CTIF: variants seen among roughly 807,000 people sequenced by gnomAD.
CTIF encodes the protein CBP80/20-dependent translation initiation factor.
CTIF carries 21 observed loss-of-function variants against 66.0 expected under a neutral mutation model. The observed-to-expected ratio is 0.32, with a 90% CI of 0.23 to 0.46. CTIF has a LOEUF of 0.46. Among genes scored for constraint, CTIF ranks in the 20% least tolerant of loss-of-function variants. CTIF has a pLI of 1.00. For synonymous variants in CTIF, 345 were observed against 326.4 expected, an observed-to-expected ratio of 1.06 and a Z score of -0.62; for missense variants, 739 against 812.7, an observed-to-expected ratio of 0.91 and a Z score of 1.10.
chr18:48,555,608 C>T (rs2088999143), intron 1 of CTIF, among the ~76,000 whole-genome samples: 1 of 152,258 alleles, frequency 6.6e-6, no homozygotes, highest in Non-Finnish European at 1.5e-5. Flanking sequence ...TGTCTTAGCA[C>T]TGCCACCTCC....
At chr18:48,607,260 T>A (rs1417051257) in intron 1 of CTIF, among the ~76,000 whole-genome samples, 2 of 152,130 alleles carry the variant, frequency 1.3e-5, no homozygotes, top group Non-Finnish European at 2.9e-5. Flanking sequence ...CTGTGGTTCG[T>A]AGAGAATTCA....
At chr18:48,716,757 T>G (rs1327161969) in intron 7 of CTIF, among the ~76,000 whole-genome samples, 1 of 152,056 alleles carries the variant, frequency 6.6e-6, no homozygotes, top group Non-Finnish European at 1.5e-5. Context: ...TCAGAAGAGG[T>G]GGCTAATGTA....
At chr18:48,682,157 T>C (rs2091757326) in intron 6 of CTIF, among the ~76,000 whole-genome samples, 1 of 152,156 alleles carries the variant, frequency 6.6e-6, no homozygotes, top group Non-Finnish European at 1.5e-5. Flanking sequence ...AAGGGACTTT[T>C]CCAATGCGTT....
chr18:48,745,611 A>C lies in CTIF; in HGVS notation c.585-12308A>C, dbSNP rs113929258. ...AAGGGAAAGCCTTTCATTGACTTTT[A>C]ACTCACTGCTCTAAGCCTCAGGACC... On this transcript the variant is annotated intron_variant, in intron 7 of 11. Coordinates refer to ENST00000256413, the MANE Select transcript of CTIF (RefSeq NM_014772.3). Among the ~76,000 whole-genome samples, 162 of 152,334 alleles carry C rather than the reference A, an allele frequency of 1.1e-3. 1 individual carries two copies. The highest frequency in any genetic ancestry group is 3.7e-3 in the African/African-American group (155 of 41,578).
At chr18:48,582,574 C>T (rs565090601) in intron 1 of CTIF, among the ~76,000 whole-genome samples, 5 of 152,034 alleles carry the variant, frequency 3.3e-5, no homozygotes, top group African/African-American at 1.2e-4. Context: ...CACTGACCTT[C>T]CCCCTATGTG....
intron 3 of CTIF, among the ~76,000 whole-genome samples, chr18:48,645,830 C>T (rs1368278275): frequency 1.3e-5 from 2 of 152,200 alleles, no homozygotes; most frequent in African/African-American, 2.4e-5. Flanking sequence ...ACCCCTGCGG[C>T]GTCGGAGGAG....
At chr18:48,696,407 C>T (rs2092009218) in intron 6 of CTIF, among the ~76,000 whole-genome samples, 1 of 152,164 alleles carries the variant, frequency 6.6e-6, no homozygotes. Context: ...CTCCTTGGAC[C>T]CTGCTGCCCA....
intron 6 of CTIF, 23 bp from the exon 7 acceptor site, chr18:48,711,596 C>G (rs1316191586): frequency 1.2e-6 from 2 of 1,604,130 alleles, no homozygotes; most frequent in Non-Finnish European, 8.5e-7. Context: ...CTAATGATCC[C>G]CCTTCCTCCC....
At chr18:48,627,114 T>C (rs1184585540) in intron 2 of CTIF, among the ~76,000 whole-genome samples, 1 of 152,268 alleles carries the variant, frequency 6.6e-6, no homozygotes, top group Admixed American at 6.5e-5. Flanking sequence ...ACTTCTAGCA[T>C]ACATGTAAGT....
At position 48,681,835 on chromosome 18, in the gene CTIF, G is replaced by A. The variant is rs566386914; in HGVS notation, c.507+11091G>A. Among the ~76,000 whole-genome samples the A allele has an allele frequency of 2.2e-3, 327 of 152,088 alleles. 1 individual carries two copies. Among genetic ancestry groups the A allele is most frequent in the African/African-American group, 7.6e-3 (317 of 41,480 alleles). On this transcript the variant is annotated intron_variant, in intron 6 of 11. Transcript: ENST00000256413. ...TGTTTCACTCTTGTCACCCAGGCTG[G>A]AGTACAATGGCTCGATCTTGGCTCA...
intron 9 of CTIF, among the ~76,000 whole-genome samples, chr18:48,805,878 A>T (rs573593305): frequency 6.6e-6 from 1 of 152,378 alleles, no homozygotes; most frequent in Admixed American, 6.5e-5. Context: ...GTACCGTGGG[A>T]TATTTATGCA....
chr18:48,746,536 T>C (rs1467658632), intron 7 of CTIF, among the ~76,000 whole-genome samples: 2 of 151,276 alleles, frequency 1.3e-5, no homozygotes, highest in East Asian at 2.0e-4. Context: ...TCTTGCCTGG[T>C]AGACAGGAGG....
intron 1 of CTIF, among the ~76,000 whole-genome samples, chr18:48,603,146 A>ATGGATGGATGGATGGATGGATGGT (rs2090128812): frequency 2.8e-5 from 4 of 141,826 alleles, no homozygotes; most frequent in African/African-American, 1.1e-4. Context: ...TAGTGGATGG[A>ATGGATGGATGGATGGATGGATGGT]TGGATGGATG....
intron 10 of CTIF, among the ~76,000 whole-genome samples, chr18:48,835,690 A>T (rs2068792865): frequency 6.6e-6 from 1 of 152,128 alleles, no homozygotes; most frequent in African/African-American, 2.4e-5. Context: ...GGCACACTGG[A>T]GATCATCTGA....
intron 9 of CTIF, among the ~76,000 whole-genome samples, chr18:48,794,573 TGGG>T (rs1195523795): frequency 2.0e-5 from 3 of 151,924 alleles, no homozygotes; most frequent in Non-Finnish European, 2.9e-5. Flanking sequence ...CTGCCTGAGG[TGGG>T]GGGTTGAAGG....
At chr18:48,847,521 C>G (rs956271959) in intron 10 of CTIF, among the ~76,000 whole-genome samples, 1 of 152,150 alleles carries the variant, frequency 6.6e-6, no homozygotes, top group Non-Finnish European at 1.5e-5. Context: ...ATGATAATAC[C>G]TGTGGCCTTT....
intron 1 of CTIF, among the ~76,000 whole-genome samples, chr18:48,550,808 T>C (rs2145532698): frequency 6.6e-6 from 1 of 152,280 alleles, no homozygotes; most frequent in South Asian, 2.1e-4. Flanking sequence ...ACAGGGTCCA[T>C]GCTTCATGGA....
At chr18:48,733,945 G>T (rs1416975917) in intron 7 of CTIF, among the ~76,000 whole-genome samples, 1 of 152,248 alleles carries the variant, frequency 6.6e-6, no homozygotes, top group Non-Finnish European at 1.5e-5. Flanking sequence ...TTCAGCAGGG[G>T]TCTTCATTCT....
Position 48,663,738 on chromosome 18 carries a change from C to G in CTIF, c.253-14C>G. The stretch of plus-strand genomic sequence containing the variant: ...AGCAATTAATGTCAGCCCTTTCACC[C>G]CCATCTCTTCCAGAATGGCAGCAAA... On this transcript the variant is annotated splice_polypyrimidine_tract_variant and intron_variant, in intron 3 of 11. Transcript: ENST00000256413. 6.2e-7 allele frequency: 1 copy of G among 1,613,398 alleles called. No homozygotes were observed. The highest frequency in any genetic ancestry group is 8.5e-7 in the Non-Finnish European group (1 of 1,179,390).
Sources: allele counts gnomAD v4.1 joint callset (sites outside exome capture counted in the v4.1 genomes callset), GRCh38; gene constraint gnomAD v4.1.1; transcripts MANE v1.5; gene names NCBI Gene and HGNC (gene_info 2026-07-23, HGNC 2026-07-21).